Variants in HEBP1 observed in about 807,000 individuals in gnomAD.
HEBP1 encodes the protein heme-binding protein 1.
In HEBP1, 13 loss-of-function variants were observed where a neutral mutation model predicts 20.4. The ratio of observed to expected loss-of-function variants is 0.64; its 90% CI spans 0.42 to 1.01. The LOEUF is 1.01. HEBP1 is among the 50% of genes least tolerant of loss of function. HEBP1 has a pLI of 0.00. For synonymous variants in HEBP1, 92 were observed against 90.7 expected, an observed-to-expected ratio of 1.01 and a Z score of -0.08; for missense variants, 241 against 247.3, an observed-to-expected ratio of 0.97 and a Z score of 0.17.
chr12:12,992,827 A>G lies in HEBP1; in HGVS notation c.79-3412T>C, dbSNP rs192786278. On this transcript the variant is annotated intron_variant, in intron 1 of 3. Transcript: ENST00000014930. ...TAATGTTTTAAATTCCAGAAACACT[A>G]TCCTGTGAATCACAGAAGTTCAGAA... is the stretch of plus-strand genomic sequence containing the variant. 9.8e-5 allele frequency among the ~76,000 whole-genome samples: 15 copies of G among 152,314 alleles called. No individual in the cohort carries two copies. The East Asian group carries it at 2.9e-3, about 29-fold the overall frequency.
intron 3 of HEBP1, 39 bp downstream of exon 3, chr12:12,987,113 A>G (rs757230395): frequency 1.3e-6 from 2 of 1,561,066 alleles, no homozygotes; most frequent in Non-Finnish European, 1.8e-6. Context: ...TACGGGAATC[A>G]AGCGCCACCC....
chr12:12,997,420 G>A (rs1244837897), intron 1 of HEBP1, among the ~76,000 whole-genome samples: 1 of 152,188 alleles, frequency 6.6e-6, no homozygotes, highest in Non-Finnish European at 1.5e-5. Flanking sequence ...GAGACACAGA[G>A]GGAGAATTAC....
At chr12:12,997,431 C>T (rs1005761442) in intron 1 of HEBP1, among the ~76,000 whole-genome samples, 1 of 152,172 alleles carries the variant, frequency 6.6e-6, no homozygotes, top group Admixed American at 6.5e-5. Flanking sequence ...GGAGAATTAC[C>T]TGTTACCTAA....
chr12:12,984,855 A>G (rs1312618566), intron 3 of HEBP1, among the ~76,000 whole-genome samples: 1 of 152,142 alleles, frequency 6.6e-6, no homozygotes, highest in Non-Finnish European at 1.5e-5. Flanking sequence ...CTAACAAAAT[A>G]TTAAAACAAA....
At chr12:12,990,717 T>G (rs763818905) in intron 1 of HEBP1, among the ~76,000 whole-genome samples, 1 of 152,172 alleles carries the variant, frequency 6.6e-6, no homozygotes, top group South Asian at 2.1e-4. Context: ...ACAAATTAGC[T>G]ACAAGATTAG....
chr12:12,985,945 A>G (rs942222464), intron 3 of HEBP1: 1 of 152,240 alleles, frequency 6.6e-6, no homozygotes, highest in African/African-American at 2.4e-5. Context: ...AAAGACAAGC[A>G]GACATCTAAC....
chr12:12,993,124 C>T lies in HEBP1; in HGVS notation c.79-3709G>A, dbSNP rs534896811. Among the ~76,000 whole-genome samples, 3 of 106,098 alleles carry T rather than the reference C, an allele frequency of 2.8e-5. No individual in the cohort carries two copies. The South Asian group carries it at 1.3e-3, about 47-fold the overall frequency. The allele number at this position is 106,098 out of a possible 152,430, so 69.6% of individuals were successfully genotyped here. A position where few individuals can be genotyped will look rare whatever the true frequency, so the allele number is the denominator to read the frequency against. ...TGTCTTTCTTTTTTTCTTTCGTTTC[C>T]CCCTCCCTCCCTCCCTCCCTCCCTT... On this transcript the variant is annotated intron_variant, in intron 1 of 3. Coordinates refer to ENST00000014930, the MANE Select transcript of HEBP1 (RefSeq NM_015987.5).
chr12:12,987,644 T>TCTCTCGCTCTC (rs1864171235), intron 2 of HEBP1, among the ~76,000 whole-genome samples: 1 of 139,902 alleles, frequency 7.1e-6, no homozygotes. Flanking sequence ...CTTTCTTTCT[T>TCTCTCGCTCTC]TCTTCCGACA....
At chr12:12,988,289 G>T (rs1349429108) in intron 2 of HEBP1, among the ~76,000 whole-genome samples, 1 of 152,140 alleles carries the variant, frequency 6.6e-6, no homozygotes, top group African/African-American at 2.4e-5. Context: ...TCTTTAGTGA[G>T]TTTTATAATT....
At chr12:12,994,476 G>C (rs1040537996) in intron 1 of HEBP1, among the ~76,000 whole-genome samples, 25 of 152,324 alleles carry the variant, frequency 1.6e-4, no homozygotes, top group African/African-American at 6.0e-4. Flanking sequence ...CAGCAGAAAA[G>C]AGATCTATAA....
At chr12:12,990,896 C>G (rs1009829230) in intron 1 of HEBP1, among the ~76,000 whole-genome samples, 1 of 152,134 alleles carries the variant, frequency 6.6e-6, no homozygotes, top group Non-Finnish European at 1.5e-5. Flanking sequence ...GTAATCTGGC[C>G]CAACCAGTTC....
intron 1 of HEBP1, among the ~76,000 whole-genome samples, chr12:12,993,987 G>T (rs1173259650): frequency 6.6e-6 from 1 of 152,188 alleles, no homozygotes; most frequent in African/African-American, 2.4e-5. Context: ...CCAACCGGAC[G>T]TTCAGTCACT....
At chr12:12,997,522 T>C (rs1864305930) in intron 1 of HEBP1, among the ~76,000 whole-genome samples, 1 of 152,114 alleles carries the variant, frequency 6.6e-6, no homozygotes, top group African/African-American at 2.4e-5. Flanking sequence ...GAGAAGCTCC[T>C]AGTAGTATGG....
intron 3 of HEBP1, among the ~76,000 whole-genome samples, chr12:12,978,147 A>G (rs1452117035): frequency 6.7e-6 from 1 of 149,152 alleles, no homozygotes; most frequent in African/African-American, 2.5e-5. Context: ...CTTGAATGCC[A>G]TGCTAAAGAG....
intron 3 of HEBP1, among the ~76,000 whole-genome samples, chr12:12,977,046 G>A (rs1011212570): frequency 6.6e-6 from 1 of 152,226 alleles, no homozygotes; most frequent in Non-Finnish European, 1.5e-5. Flanking sequence ...AAGGGACAAT[G>A]TTGGCTCTTT....
intron 2 of HEBP1, among the ~76,000 whole-genome samples, chr12:12,987,786 G>A (rs936404027): frequency 1.3e-5 from 2 of 152,002 alleles, no homozygotes; most frequent in African/African-American, 4.8e-5. Flanking sequence ...ACAGGTGTGC[G>A]CCACCACACC....
intron 1 of HEBP1, among the ~76,000 whole-genome samples, chr12:12,990,808 A>G (rs887461316): frequency 7.2e-5 from 11 of 152,204 alleles, no homozygotes; most frequent in African/African-American, 2.7e-4. Flanking sequence ...TAACATCACT[A>G]TTGTAAAACC....
chr12:12,988,709 G>T (rs1864182053), intron 2 of HEBP1, among the ~76,000 whole-genome samples: 1 of 152,144 alleles, frequency 6.6e-6, no homozygotes, highest in Non-Finnish European at 1.5e-5. Flanking sequence ...CCTTTCATGA[G>T]ACTTCAGGCT....
In HEBP1 at chr12:12,986,946, C is replaced by T. The variant is rs554913514; in HGVS notation, c.398+206G>A. 67 of 541,018 alleles carry T rather than the reference C, an allele frequency of 1.2e-4. No homozygotes were observed. In the South Asian group the frequency reaches 1.6e-3, roughly 13 times the overall value. 33.5% of individuals were successfully genotyped at this position (541,018 alleles called of 1,614,324 possible). ...CTCGTCCCATCAATTTGGCAACTGG[C>T]CAAGGCATTTATTCTGATAAAATGC... On this transcript the variant is annotated intron_variant, in intron 3 of 3. Transcript: ENST00000014930. The surrounding 1 kb of genome is among the most constrained non-coding windows in gnomAD (Gnocchi z 4.3).
Sources: gnomAD v4.1 joint callset for allele counts (sites outside exome capture counted in the v4.1 genomes callset) on GRCh38, gnomAD v4.1.1 for gene constraint, Gnocchi (gnomAD v3.1) non-coding constraint, MANE v1.5 for transcripts, NCBI Gene and HGNC (gene_info 2026-07-23, HGNC 2026-07-21) for gene names.